Variants in ADAMTS6 observed in about 807,000 individuals in gnomAD.
The protein encoded by ADAMTS6 is A disintegrin and metalloproteinase with thrombospondin motifs 6.
Under a neutral mutation model 144.3 loss-of-function variants are expected in ADAMTS6, and 23 were observed. The observed-to-expected ratio is 0.16, with a 90% CI of 0.11 to 0.23. ADAMTS6 has a LOEUF of 0.23. Among genes scored for constraint, ADAMTS6 ranks in the 10% least tolerant of loss-of-function variants. ADAMTS6 has a pLI of 1.00. For missense variants in ADAMTS6, 999 were observed against 1,379.6 expected, an observed-to-expected ratio of 0.72 and a Z score of 4.37; for synonymous variants, 444 against 457.5, an observed-to-expected ratio of 0.97 and a Z score of 0.38.
intron 11 of ADAMTS6, among the ~76,000 whole-genome samples, chr5:65,277,986 AC>A (rs1762693696): frequency 1.8e-5 from 1 of 55,520 alleles, no homozygotes; most frequent in Non-Finnish European, 3.9e-5. Flanking sequence ...GACCCCTCCC[AC>A]CCTCCCCCTT....
chr5:65,156,827 T>C (rs1752449418), intron 24 of ADAMTS6, among the ~76,000 whole-genome samples: 1 of 152,220 alleles, frequency 6.6e-6, no homozygotes. Flanking sequence ...AGTACTCTCC[T>C]AGGAGAAGAA....
chr5:65,451,545 G>A lies in ADAMTS6; in HGVS notation c.1003C>T (p.His335Tyr). 1 of 1,613,554 alleles carries A rather than the reference G, an allele frequency of 6.2e-7. No homozygotes were observed. The highest frequency in any genetic ancestry group is 8.5e-7 in the Non-Finnish European group (1 of 1,179,766). Reference sequence around the variant, plus strand: ...GGAATGGTGTTTCCATCACTTTGGTGGGAGAGAATGGATTTCTGCCATTTA... The same window carrying A: ...GGAATGGTGTTTCCATCACTTTGGTAGGAGAGAATGGATTTCTGCCATTTA... ...FCKWQKSILS[H>Y]QSDGNTIPEN... The change falls in exon 7 of 25, where the codon CAC becomes TAC. Residue 335 changes from histidine (H) to tyrosine (Y), a missense_variant. This residue lies in a region of ADAMTS6 where 128 missense variants were observed against 249.0 expected (regional missense o/e 0.51). Transcript: ENST00000381055.
chr5:65,281,998 C>A (rs1244991048), intron 11 of ADAMTS6, among the ~76,000 whole-genome samples: 1 of 152,008 alleles, frequency 6.6e-6, no homozygotes, highest in East Asian at 1.9e-4. Flanking sequence ...GCAGCTTACA[C>A]AAGGGGAGGA....
rs1747066500 is a variant in ADAMTS6, at chr5:65,334,073, G to A, written c.1086C>T (p.Cys362=). 2 of 1,471,630 alleles carry A rather than the reference G, an allele frequency of 1.4e-6. No individual in the cohort carries two copies. The highest frequency in any genetic ancestry group is 3.1e-5 in the African/African-American group (2 of 64,448). 91.2% of individuals were successfully genotyped at this position (1,471,630 alleles called of 1,614,324 possible). The part of the protein sequence containing the change: ...NAVLITRYDI[C]TYKNKPCGTL... The stretch of plus-strand genomic sequence containing the variant: ...TTCCACAGGGCTTATTTTTATAAGT[G>A]CAGATATCATATCTATGGAGAAAAC... Residue 362 remains cysteine (C), a synonymous_variant, in exon 8 of 25, where the codon TGC becomes TGT. Coordinates refer to ENST00000381055, the MANE Select transcript of ADAMTS6 (RefSeq NM_197941.4).
At chr5:65,261,216 T>A (rs1304314172) in intron 13 of ADAMTS6, among the ~76,000 whole-genome samples, 1 of 152,134 alleles carries the variant, frequency 6.6e-6, no homozygotes, top group Non-Finnish European at 1.5e-5. Context: ...AAAATTTAAA[T>A]CTAAAAATCA....
chr5:65,210,486 A>G (rs1756443853), intron 20 of ADAMTS6: 1 of 291,410 alleles, frequency 3.4e-6, no homozygotes, highest in South Asian at 5.2e-5. Flanking sequence ...ATGAAGGCCA[A>G]GCGGAGTTGA....
At chr5:65,180,260 T>G (rs1754263239) in intron 22 of ADAMTS6, among the ~76,000 whole-genome samples, 1 of 152,166 alleles carries the variant, frequency 6.6e-6, no homozygotes, top group African/African-American at 2.4e-5. Context: ...ACAATGAATA[T>G]AATCACAGAA....
chr5:65,208,579 A>G (rs1426742180), intron 20 of ADAMTS6, among the ~76,000 whole-genome samples: 1 of 152,184 alleles, frequency 6.6e-6, no homozygotes, highest in Non-Finnish European at 1.5e-5. Context: ...AGGTCACTAG[A>G]GACTAAGTTG....
chr5:65,285,969 C>A (rs187724398), intron 11 of ADAMTS6, among the ~76,000 whole-genome samples: 67 of 152,292 alleles, frequency 4.4e-4, no homozygotes, highest in Admixed American at 2.4e-3. Flanking sequence ...TGAGCTGAGA[C>A]TGAAGAGTGA....
chr5:65,287,688 G>A (rs1182649163), intron 11 of ADAMTS6, among the ~76,000 whole-genome samples: 2 of 152,010 alleles, frequency 1.3e-5, no homozygotes, highest in Non-Finnish European at 2.9e-5. Flanking sequence ...GTGCCACCAC[G>A]CCTGGCTAAT....
chr5:65,231,894 G>C (rs1758274396), intron 15 of ADAMTS6, among the ~76,000 whole-genome samples: 1 of 152,096 alleles, frequency 6.6e-6, no homozygotes. Flanking sequence ...TGGATCACTT[G>C]AGGTCAGGAG....
chr5:65,330,513 C>T (rs982264616), intron 8 of ADAMTS6, among the ~76,000 whole-genome samples: 2 of 151,970 alleles, frequency 1.3e-5, no homozygotes, highest in African/African-American at 2.4e-5. Context: ...AAAGTGATTT[C>T]GATTCAATTC....
intron 11 of ADAMTS6, among the ~76,000 whole-genome samples, chr5:65,274,655 A>T (rs1472198002): frequency 6.6e-6 from 1 of 151,908 alleles, no homozygotes; most frequent in African/African-American, 2.4e-5. Context: ...CAGAGAGGAG[A>T]TATATAGTGT....
At chr5:65,264,281 C>A (rs995398118) in intron 12 of ADAMTS6, among the ~76,000 whole-genome samples, 1 of 152,138 alleles carries the variant, frequency 6.6e-6, no homozygotes, top group African/African-American at 2.4e-5. Context: ...CTAGCCCCTG[C>A]CTCCTTCCTC....
At chr5:65,179,927 T>C (rs1428780647) in intron 22 of ADAMTS6, among the ~76,000 whole-genome samples, 1 of 145,162 alleles carries the variant, frequency 6.9e-6, no homozygotes, top group Non-Finnish European at 1.5e-5. Context: ...CATGCTTGTG[T>C]GCATGCAAAC....
chr5:65,224,982 C>T lies in ADAMTS6; in HGVS notation c.2133G>A (p.Gly711=). The T allele has an allele frequency of 6.2e-7, 1 of 1,614,076 alleles. No individual in the cohort carries two copies. Among genetic ancestry groups the T allele is most frequent in the Non-Finnish European group, 8.5e-7 (1 of 1,180,000 alleles). Residue 711 remains glycine (G), a synonymous_variant, in exon 17 of 25, where the codon GGG becomes GGA. Coordinates refer to ENST00000381055, the MANE Select transcript of ADAMTS6 (RefSeq NM_197941.4). ...AREDRCRVCG[G]DGSTCDAIEG... is the part of the protein sequence containing the mutation. ...CAATGGCATCACATGTGCTTCCGTC[C>T]CCTCCACAGACTCGACATCTATCTT...
intron 20 of ADAMTS6, among the ~76,000 whole-genome samples, chr5:65,206,557 G>A (rs1353005728): frequency 1.3e-5 from 2 of 151,768 alleles, no homozygotes; most frequent in Non-Finnish European, 2.9e-5. Flanking sequence ...AAAATCAGCC[G>A]GGCATGGTGG....
rs1191099487 is a variant in ADAMTS6 at position 65,214,842 on chromosome 5, T to C, written c.2527A>G (p.Thr843Ala). ...TGSGDNEVGF[T>A]WNHQPWSECS... ...TCTGACCAAGGCTGATGATTCCATG[T>C]AAAGCCAACTTCATTATCTCCACTG... Residue 843 changes from threonine to alanine, a missense_variant, in exon 20 of 25, where the codon ACA becomes GCA. Transcript: ENST00000381055. The surrounding 1 kb of genome is among the most constrained non-coding windows in gnomAD (Gnocchi z 4.6). The C allele has an allele frequency of 1.3e-5, 21 of 1,614,082 alleles. No individual in the cohort carries two copies. Among genetic ancestry groups the C allele is most frequent in the Non-Finnish European group, 1.7e-5 (20 of 1,180,042 alleles).
At chr5:65,273,288 A>C in intron 12 of ADAMTS6, 52 bp downstream of exon 12, 1 of 1,484,038 alleles carries the variant, frequency 6.7e-7, no homozygotes, top group Non-Finnish European at 9.4e-7. Context: ...CAGTACCAGC[A>C]ATTTATCACT....
Sources: gnomAD v4.1 joint callset for allele counts (sites outside exome capture counted in the v4.1 genomes callset) on GRCh38, gnomAD v4.1.1 for gene constraint, gnomAD v4.1.1 regional missense constraint, Gnocchi (gnomAD v3.1) non-coding constraint, MANE v1.5 for transcripts, NCBI Gene and HGNC (gene_info 2026-07-23, HGNC 2026-07-21) for gene names.